Variants in SLC11A2 observed in about 807,000 individuals in gnomAD.
SLC11A2 encodes natural resistance-associated macrophage protein 2.
A neutral mutation model predicts 68.0 loss-of-function variants in SLC11A2; 38 were observed. That is an observed-to-expected ratio of 0.56 (90% confidence interval 0.43 to 0.73). The LOEUF (loss-of-function observed/expected upper bound fraction) is 0.73. Among genes scored for constraint, SLC11A2 ranks in the 30% least tolerant of loss-of-function variants. The pLI, the probability that SLC11A2 is intolerant of heterozygous loss-of-function variation, is 0.00. For missense variants in SLC11A2, 517 were observed against 690.5 expected, an observed-to-expected ratio of 0.75 and a Z score of 2.82; for synonymous variants, 242 against 250.6, an observed-to-expected ratio of 0.97 and a Z score of 0.32.
upstream of SLC11A2, chr12:51,028,506 TG>T (rs1369038772): frequency 8.4e-6 from 3 of 355,668 alleles, no homozygotes; most frequent in Non-Finnish European, 1.5e-5. Context: ...ATTTCATCTC[TG>T]TACCATTTGG....
the SLC11A2 span, among the ~76,000 whole-genome samples, chr12:50,952,676 G>C: frequency 6.6e-6 from 1 of 152,262 alleles, no homozygotes; most frequent in African/African-American, 2.4e-5. Flanking sequence ...TGCAGCTCGA[G>C]GCTTTGCAGG....
intron 1 of SLC11A2, 118 bp downstream of exon 1, chr12:51,026,192 A>G (rs1944372760): frequency 1.7e-6 from 2 of 1,183,768 alleles, no homozygotes; most frequent in Admixed American, 3.6e-5. Context: ...CCGCACGGCG[A>G]GCCGGTGTCG....
In SLC11A2 at chr12:50,992,815, T is replaced by A; in HGVS notation, c.1192A>T (p.Met398Leu). The A allele has an allele frequency of 6.2e-7, 1 of 1,613,436 alleles. No homozygotes were observed. Among genetic ancestry groups the A allele is most frequent in the Non-Finnish European group, 8.5e-7 (1 of 1,179,806 alleles). Reference protein sequence around the residue: ...MTGTYSGQFVMEGFLNLKWSR... With the variant: ...MTGTYSGQFVLEGFLNLKWSR... Reference sequence around the variant, plus strand: ...TATCCTATACCAGCACGTACCTCCATGACAAACTGGCCAGAATAGGTTCCT... The same window carrying A: ...TATCCTATACCAGCACGTACCTCCAAGACAAACTGGCCAGAATAGGTTCCT... The change falls in exon 12 of 16, where the codon ATG (methionine) becomes TTG (leucine). Residue 398 changes from methionine to leucine, a missense_variant. Transcript: ENST00000262052.
At chr12:50,976,111 A>T (rs1939845545), downstream of SLC11A2, among the ~76,000 whole-genome samples, 1 of 152,234 alleles carries the variant, frequency 6.6e-6, no homozygotes, top group African/African-American at 2.4e-5. Context: ...CAATCAATAG[A>T]AAAAGAGGGA....
chr12:51,017,559 G>A (rs1943747148), intron 1 of SLC11A2, among the ~76,000 whole-genome samples: 1 of 152,140 alleles, frequency 6.6e-6, no homozygotes, highest in Admixed American at 6.6e-5. Context: ...AATATACACT[G>A]TATACCTTTT....
At chr12:50,956,512 A>G in the SLC11A2 span, among the ~76,000 whole-genome samples, 64 of 152,312 alleles carry the variant, frequency 4.2e-4, no homozygotes, top group African/African-American at 1.5e-3. Context: ...CTTACAAAAC[A>G]TTTTTTGTTG....
chr12:50,970,365 A>G, the SLC11A2 span: 3 of 805,070 alleles, frequency 3.7e-6, no homozygotes, highest in Non-Finnish European at 6.2e-6. Flanking sequence ...CTAGTTTCAT[A>G]AAAATACAAC....
chr12:50,995,887 A>T, intron 9 of SLC11A2, 100 bp from the exon 10 acceptor site: 1 of 1,121,820 alleles, frequency 8.9e-7, no homozygotes, highest in South Asian at 1.3e-5. Context: ...TAGGGGACAA[A>T]AGTTGACCAG....
the SLC11A2 span, chr12:50,954,284 T>A: frequency 1.1e-5 from 5 of 456,992 alleles, no homozygotes. Context: ...TGTTAGCTGT[T>A]ATTTGAGGCA....
In SLC11A2 at chr12:51,000,374, C is replaced by T. The variant is rs778441793; in HGVS notation, c.475G>A (p.Gly159Ser). Residue 159 changes from glycine to serine, a missense_variant, in exon 6 of 16, where the codon GGC becomes AGC. Physicochemically the swap from Gly to Ser is moderately conservative, Grantham distance 56 (BLOSUM62 0). Transcript: ENST00000262052. ...CCAATGACTTCTTGCATGTCTGAGC[C>T]GATGATAGCCAACTCCACCATCAGC... The part of the protein sequence containing the change: ...LWLMVELAII[G>S]SDMQEVIGSA... 35 of 1,613,968 alleles carry T rather than the reference C, an allele frequency of 2.2e-5. No individual in the cohort carries two copies. The highest frequency in any genetic ancestry group is 8.9e-5 in the East Asian group (4 of 44,888).
At position 50,986,171 on chromosome 12, in the gene SLC11A2, A is replaced by G; in HGVS notation, c.*2154T>C. On this transcript the variant is annotated 3_prime_UTR_variant, in exon 16 of 16. Transcript: ENST00000262052. ...TAGCAGCACAATTATTTCATGTCAC[A>G]TTTAAGAAGAACAAGAACCAATTTA... 1 of 1,285,604 alleles carries G rather than the reference A, an allele frequency of 7.8e-7. No homozygotes were observed. Among genetic ancestry groups the G allele is most frequent in the Non-Finnish European group, 1.0e-6 (1 of 987,348 alleles). 79.6% of individuals were successfully genotyped at this position (1,285,604 alleles called of 1,614,324 possible). A position where few individuals can be genotyped will look rare whatever the true frequency, so the allele number is the denominator to read the frequency against.
Position 50,986,262 on chromosome 12 carries a change from G to A in SLC11A2, c.*2063C>T, listed in dbSNP as rs1004916799. On this transcript the variant is annotated 3_prime_UTR_variant, in exon 16 of 16. Transcript: ENST00000262052. ...CACACTGTCAAAACTCACTGGATAT[G>A]CTGGAATTGGAGGACTTAAATTTCT... 1.6e-6 allele frequency: 2 copies of A among 1,284,844 alleles called. No individual in the cohort carries two copies. Among genetic ancestry groups the A allele is most frequent in the African/African-American group, 3.0e-5 (2 of 65,764 alleles). The allele number at this position is 1,284,844 out of a possible 1,614,324, so 79.6% of individuals were successfully genotyped here.
At chr12:50,960,845 G>C in the SLC11A2 span, 1 of 765,780 alleles carries the variant, frequency 1.3e-6, no homozygotes, top group Non-Finnish European at 2.0e-6. Context: ...ACCATGTGTG[G>C]CTAATTTTTT....
rs537181126 is a variant in SLC11A2 at position 51,009,283 on chromosome 12, G to A, written c.35-659C>T. The A allele has an allele frequency of 1.4e-4, 178 of 1,298,450 alleles. 1 individual carries two copies. In the South Asian group the frequency reaches 4.0e-3, roughly 29 times the overall value. 80.4% of individuals were successfully genotyped at this position (1,298,450 alleles called of 1,614,324 possible). ...CTTGCAGTAAAGTGCCGCCGGTCAC[G>A]GGGTACTGGCACCCTCGTGATGGCA... On this transcript the variant is annotated intron_variant, in intron 2 of 15. Transcript: ENST00000262052.
chr12:50,953,273 T>G, the SLC11A2 span, among the ~76,000 whole-genome samples: 1 of 152,236 alleles, frequency 6.6e-6, no homozygotes, highest in East Asian at 1.9e-4. Context: ...TTGTGCTTCT[T>G]ACGCTTAAGT....
chr12:50,995,829 A>G (rs1335160967), intron 9 of SLC11A2, 42 bp from the exon 10 acceptor site: 1 of 1,598,684 alleles, frequency 6.3e-7, no homozygotes, highest in African/African-American at 1.3e-5. Context: ...ACCAGTTAGA[A>G]CAAGTTTCCT....
At chr12:51,025,077 C>A (rs762424414) in intron 1 of SLC11A2, among the ~76,000 whole-genome samples, 13 of 152,140 alleles carry the variant, frequency 8.5e-5, no homozygotes, top group Non-Finnish European at 1.6e-4. Flanking sequence ...AGTTTCCAAC[C>A]GTATTTAATA....
rs1028196487 is a variant in SLC11A2 at position 50,986,611 on chromosome 12, C to T, written c.*1714G>A. ...GTCAGTTTGGCCTTTCCTACTGCAG[C>T]CAGGTGAGAGCTTAAGATGTCAGTC... On this transcript the variant is annotated 3_prime_UTR_variant, in exon 16 of 16. Coordinates refer to ENST00000262052, the MANE Select transcript of SLC11A2 (RefSeq NM_000617.3). 1 of 1,286,846 alleles carries T rather than the reference C, an allele frequency of 7.8e-7. No homozygotes were observed. The highest frequency in any genetic ancestry group is 2.3e-5 in the Admixed American group (1 of 43,494). 79.7% of individuals were successfully genotyped at this position (1,286,846 alleles called of 1,614,324 possible).
the SLC11A2 span, among the ~76,000 whole-genome samples, chr12:50,965,287 ATTTT>A: frequency 7.4e-6 from 1 of 134,566 alleles, no homozygotes. Context: ...CTAATTTTTA[ATTTT>A]TTTTTTTTTT....
Sources: allele counts gnomAD v4.1 joint callset (sites outside exome capture counted in the v4.1 genomes callset), GRCh38; gene constraint gnomAD v4.1.1; transcripts MANE v1.5; gene names NCBI Gene and HGNC (gene_info 2026-07-23, HGNC 2026-07-21).